SLC2A13: variants seen among roughly 807,000 people sequenced by gnomAD.
SLC2A13 encodes solute carrier family 2 member 13, also known as proton myo-inositol cotransporter.
Under a neutral mutation model 64.4 loss-of-function variants are expected in SLC2A13, and 32 were observed. The observed-to-expected ratio is 0.50, with a 90% CI of 0.37 to 0.67. SLC2A13 has a LOEUF of 0.67. Among genes scored for constraint, SLC2A13 ranks in the 30% least tolerant of loss-of-function variants. The pLI is 0.00. For synonymous variants in SLC2A13, 338 were observed against 327.1 expected (o/e 1.03, Z -0.36); for missense variants, 743 against 829.2 (o/e 0.90, Z 1.28).
chr12:40,064,398 A>C (rs1948477451), intron 1 of SLC2A13, among the ~76,000 whole-genome samples: 2 of 152,170 alleles, frequency 1.3e-5, no homozygotes, highest in South Asian at 4.1e-4. Flanking sequence ...AATAGTAAAC[A>C]TTATTTTGAT....
intron 4 of SLC2A13, among the ~76,000 whole-genome samples, chr12:39,882,422 T>A (rs2135960965): frequency 6.6e-6 from 1 of 152,344 alleles, no homozygotes; most frequent in Non-Finnish European, 1.5e-5. Context: ...TTTGTTATAC[T>A]TATGTCATAA....
chr12:39,780,411 G>A (rs749284542), intron 7 of SLC2A13, among the ~76,000 whole-genome samples: 6 of 152,136 alleles, frequency 3.9e-5, no homozygotes, highest in Non-Finnish European at 7.4e-5. Context: ...TCTCCCCTAA[G>A]TTAGCATTCT....
At chr12:39,948,859 C>T (rs908487363) in intron 4 of SLC2A13, among the ~76,000 whole-genome samples, 1 of 151,910 alleles carries the variant, frequency 6.6e-6, no homozygotes, top group Non-Finnish European at 1.5e-5. Flanking sequence ...AACAAAGTAA[C>T]ACAAAATAAA....
intron 5 of SLC2A13, among the ~76,000 whole-genome samples, chr12:39,866,345 G>A (rs915141574): frequency 1.8e-4 from 28 of 152,148 alleles, no homozygotes; most frequent in African/African-American, 6.8e-4. Context: ...AGCTAGCTTT[G>A]CTGTTTCCTG....
At chr12:40,075,329 T>C (rs1202718281) in intron 1 of SLC2A13, among the ~76,000 whole-genome samples, 2 of 152,184 alleles carry the variant, frequency 1.3e-5, no homozygotes, top group Non-Finnish European at 2.9e-5. Flanking sequence ...AAGCAATGTT[T>C]CCCATGGAAG....
At chr12:39,985,843 A>G (rs563844030) in intron 3 of SLC2A13, among the ~76,000 whole-genome samples, 2 of 152,190 alleles carry the variant, frequency 1.3e-5, no homozygotes, top group South Asian at 2.1e-4. Context: ...ACCTCCTTCA[A>G]TAAGTCATGA....
intron 7 of SLC2A13, among the ~76,000 whole-genome samples, chr12:39,799,578 A>C (rs1196807818): frequency 6.6e-6 from 1 of 152,204 alleles, no homozygotes; most frequent in African/African-American, 2.4e-5. Context: ...CCAAAAAAAC[A>C]AAAGCAAAAA....
chr12:39,794,386 A>C (rs1277320002), intron 7 of SLC2A13, among the ~76,000 whole-genome samples: 1 of 152,232 alleles, frequency 6.6e-6, no homozygotes, highest in Non-Finnish European at 1.5e-5. Context: ...TGGTATTGTT[A>C]AATTACATTT....
intron 6 of SLC2A13, among the ~76,000 whole-genome samples, chr12:39,859,735 C>T (rs897942712): frequency 3.3e-5 from 5 of 152,014 alleles, no homozygotes; most frequent in Non-Finnish European, 5.9e-5. Flanking sequence ...CCATGTTGGC[C>T]GGGCTGGTCT....
intron 4 of SLC2A13, among the ~76,000 whole-genome samples, chr12:39,941,900 G>A (rs1946034018): frequency 6.6e-6 from 1 of 152,164 alleles, no homozygotes; most frequent in African/African-American, 2.4e-5. Flanking sequence ...GGTGAGAGAT[G>A]AGGATCCAGT....
chr12:39,931,191 A>C (rs937451074), intron 4 of SLC2A13, among the ~76,000 whole-genome samples: 5 of 152,186 alleles, frequency 3.3e-5, no homozygotes, highest in African/African-American at 1.2e-4. Context: ...TGATACAGAG[A>C]AACAATCTTG....
chr12:40,082,229 C>T (rs1401713971), intron 1 of SLC2A13, among the ~76,000 whole-genome samples: 1 of 152,230 alleles, frequency 6.6e-6, no homozygotes, highest in African/African-American at 2.4e-5. Flanking sequence ...AATCCTGTGA[C>T]TCAACCCTAC....
chr12:39,781,862 GA>G (rs1417380915), intron 7 of SLC2A13, among the ~76,000 whole-genome samples: 27 of 152,188 alleles, frequency 1.8e-4, no homozygotes, highest in African/African-American at 6.0e-4. Context: ...TGGAGGAAGG[GA>G]TTTAGGACAT....
intron 3 of SLC2A13, among the ~76,000 whole-genome samples, chr12:39,959,847 C>T (rs1316689822): frequency 6.6e-6 from 1 of 152,118 alleles, no homozygotes; most frequent in African/African-American, 2.4e-5. Context: ...CCAGGATACA[C>T]ATGCAGTATG....
At chr12:39,942,239 C>A (rs1276962635) in intron 4 of SLC2A13, among the ~76,000 whole-genome samples, 3 of 152,020 alleles carry the variant, frequency 2.0e-5, no homozygotes, top group Non-Finnish European at 4.4e-5. Context: ...TTTTCTAATT[C>A]TGTGAAGAAT....
rs1242822500 is a variant in SLC2A13, at chr12:39,755,316, A to G, written c.*4710T>C. The G allele has an allele frequency of 1.3e-5, 2 of 152,100 alleles. No homozygotes were observed. The highest frequency in any genetic ancestry group is 2.9e-5 in the Non-Finnish European group (2 of 67,894). The allele number at this position is 152,100 out of a possible 1,614,324, so 9.4% of individuals were successfully genotyped here. On this transcript the variant is annotated 3_prime_UTR_variant, in exon 10 of 10. Coordinates refer to ENST00000280871, the MANE Select transcript of SLC2A13 (RefSeq NM_052885.4). ...ATATTGAATTTGCCAAGACATCTGA[A>G]GTATTAAATACTATATAACATGCAC... is the stretch of plus-strand genomic sequence containing the variant.
intron 3 of SLC2A13, among the ~76,000 whole-genome samples, chr12:39,957,709 T>G (rs979127788): frequency 5.9e-5 from 9 of 152,204 alleles, no homozygotes; most frequent in African/African-American, 2.2e-4. Flanking sequence ...CATCTCTAAC[T>G]GGCTCCCAAT....
chr12:40,045,142 C>A (rs997078512), intron 2 of SLC2A13, among the ~76,000 whole-genome samples: 1 of 152,004 alleles, frequency 6.6e-6, no homozygotes, highest in Admixed American at 6.6e-5. Flanking sequence ...ATCTGGGACA[C>A]TGGGTATTGT....
chr12:40,085,941 C>G (rs1938575059), intron 1 of SLC2A13, among the ~76,000 whole-genome samples: 1 of 152,038 alleles, frequency 6.6e-6, no homozygotes, highest in Non-Finnish European at 1.5e-5. Flanking sequence ...GTGGCACAAT[C>G]CCAGCTCACT....
Sources: gnomAD v4.1 joint callset for allele counts (sites outside exome capture counted in the v4.1 genomes callset) on GRCh38, gnomAD v4.1.1 for gene constraint, MANE v1.5 for transcripts, NCBI Gene and HGNC (gene_info 2026-07-23, HGNC 2026-07-21) for gene names.